The following ZBTB20 variants were observed in gnomAD, a reference collection of about 807,000 sequenced individuals.
ZBTB20 encodes zinc finger and BTB domain-containing protein 20.
Under a neutral mutation model 56.9 loss-of-function variants are expected in ZBTB20, and 9 were observed. That is an observed-to-expected ratio of 0.16 (90% CI 0.10 to 0.28). The LOEUF is 0.28. Ranked by LOEUF, ZBTB20 falls within the 10% of genes least tolerant of loss-of-function variation. The pLI is 1.00. For synonymous variants in ZBTB20, 417 were observed against 420.7 expected, an observed-to-expected ratio of 0.99 and a Z score of 0.11; for missense variants, 655 against 1,003.0, an observed-to-expected ratio of 0.65 and a Z score of 4.69.
Position 114,793,869 on chromosome 3 carries a change from A to C in ZBTB20, c.-343+7232T>G, listed in dbSNP as rs141874605. Among the ~76,000 whole-genome samples, 245 of 152,202 alleles carry C rather than the reference A, an allele frequency of 1.6e-3. 1 individual carries two copies. The highest frequency in any genetic ancestry group is 1.9e-3 in the Non-Finnish European group (132 of 67,984). ...AGATTATGACATCAATCTACAGTCA[A>C]TGCTGTGAGAATTAAATGTGAAGAG... On this transcript the variant is annotated intron_variant, in intron 5 of 11. Coordinates refer to ENST00000675478, the MANE Select transcript of ZBTB20 (RefSeq NM_001348800.3).
intron 6 of ZBTB20, among the ~76,000 whole-genome samples, chr3:114,504,713 C>T (rs988073241): frequency 6.6e-6 from 1 of 152,096 alleles, no homozygotes; most frequent in African/African-American, 2.4e-5. Context: ...TGGCAGGCAC[C>T]CTTAGTATTG....
intron 11 of ZBTB20, among the ~76,000 whole-genome samples, chr3:114,347,841 C>T (rs979850965): frequency 6.6e-6 from 1 of 152,204 alleles, no homozygotes; most frequent in Non-Finnish European, 1.5e-5. Flanking sequence ...CTATATTATA[C>T]ACACCATTAC....
At chr3:114,560,431 T>C (rs1053220895) in intron 6 of ZBTB20, among the ~76,000 whole-genome samples, 1 of 152,202 alleles carries the variant, frequency 6.6e-6, no homozygotes, top group Non-Finnish European at 1.5e-5. Context: ...CCAGCAACTA[T>C]GTCCATGAAT....
At chr3:114,621,210 A>G (rs933886716) in intron 6 of ZBTB20, among the ~76,000 whole-genome samples, 9 of 152,332 alleles carry the variant, frequency 5.9e-5, no homozygotes, top group African/African-American at 1.7e-4. Context: ...GCTGAAGGAT[A>G]ATTACCAAAC....
At chr3:114,699,500 A>G (rs2063259320) in intron 5 of ZBTB20, among the ~76,000 whole-genome samples, 2 of 152,064 alleles carry the variant, frequency 1.3e-5, no homozygotes, top group African/African-American at 4.8e-5. Flanking sequence ...TCTTTCAGTT[A>G]ATTGGAGAAT....
In ZBTB20 at chr3:115,065,622, C is replaced by T. The variant is rs562212338; in HGVS notation, c.-507+5597G>A. On this transcript the variant is annotated intron_variant, in intron 2 of 11. Coordinates refer to ENST00000675478, the MANE Select transcript of ZBTB20 (RefSeq NM_001348800.3). ...TAACTGGAAGTCTGCTGTTAAATTT[C>T]CTGAAGATGTTAATCCTAGAGCTAT... 3.3e-5 allele frequency among the ~76,000 whole-genome samples: 5 copies of T among 152,206 alleles called. No homozygotes were observed. In the East Asian group the frequency reaches 7.7e-4, roughly 23 times the overall value.
chr3:114,608,156 A>C (rs1042445967), intron 6 of ZBTB20, among the ~76,000 whole-genome samples: 1 of 152,186 alleles, frequency 6.6e-6, no homozygotes, highest in African/African-American at 2.4e-5. Flanking sequence ...TAAAAAAACA[A>C]AAACACCAGT....
chr3:114,963,745 GT>G (rs1305955568), intron 3 of ZBTB20, among the ~76,000 whole-genome samples: 1 of 151,838 alleles, frequency 6.6e-6, no homozygotes, highest in Non-Finnish European at 1.5e-5. Context: ...TTGACAAGTA[GT>G]TTTTTTGCCT....
chr3:114,859,279 C>T (rs142455799), intron 4 of ZBTB20, among the ~76,000 whole-genome samples: 106,022 of 142,662 alleles, frequency 0.74, 43,553 homozygotes, highest in East Asian at 0.98. Flanking sequence ...ATTCTTCCTT[C>T]CTTCCTTTCT....
At chr3:114,951,311 A>C (rs1195150095) in intron 3 of ZBTB20, among the ~76,000 whole-genome samples, 4 of 151,980 alleles carry the variant, frequency 2.6e-5, no homozygotes, top group African/African-American at 9.6e-5. Context: ...TGTGCATATG[A>C]GGTAAATAAA....
intron 5 of ZBTB20, among the ~76,000 whole-genome samples, chr3:114,744,313 C>T (rs554585619): frequency 4.6e-5 from 7 of 152,136 alleles, no homozygotes; most frequent in South Asian, 2.1e-4. Flanking sequence ...CTCACACTTT[C>T]GATTATTGCA....
chr3:114,661,072 A>G (rs563221567), intron 6 of ZBTB20, among the ~76,000 whole-genome samples: 21 of 152,270 alleles, frequency 1.4e-4, no homozygotes, highest in African/African-American at 4.8e-4. Flanking sequence ...GGTGTGCTGC[A>G]GAATACTTGG....
chr3:114,363,608 C>T (rs904814902), intron 10 of ZBTB20, among the ~76,000 whole-genome samples: 1 of 152,086 alleles, frequency 6.6e-6, no homozygotes, highest in African/African-American at 2.4e-5. Flanking sequence ...GTATGCTTCA[C>T]AGGGATGTTG....
chr3:114,769,173 A>T (rs1406797995), intron 5 of ZBTB20, among the ~76,000 whole-genome samples: 2 of 152,142 alleles, frequency 1.3e-5, no homozygotes, highest in Non-Finnish European at 2.9e-5. Context: ...ACGTTTAATC[A>T]TTTTGTTAGA....
chr3:114,508,921 T>G lies in ZBTB20; in HGVS notation c.-294-8530A>C, dbSNP rs149479508. Among the ~76,000 whole-genome samples, 187 of 152,212 alleles carry G rather than the reference T, an allele frequency of 1.2e-3. 2 individuals are homozygous for G. In the East Asian group the frequency reaches 0.022, roughly 18 times the overall value. ...GGTCTAAGACCTTTCAAAAGAAACG[T>G]TTTGTTTAGTATCACTACAGAAAAT... On this transcript the variant is annotated intron_variant, in intron 6 of 11. Coordinates refer to ENST00000675478, the MANE Select transcript of ZBTB20 (RefSeq NM_001348800.3).
rs140038967 is a variant in ZBTB20, at chr3:114,755,746, G to T, written c.-343+45355C>A. Among the ~76,000 whole-genome samples the T allele has an allele frequency of 6.5e-3, 986 of 152,174 alleles. 24 individuals carry two copies. Among genetic ancestry groups the T allele is most frequent in the Admixed American group, 0.059 (899 of 15,264 alleles). On this transcript the variant is annotated intron_variant, in intron 5 of 11. Transcript: ENST00000675478. ...CTTCCACATCCATGTCCCAGGGAAG[G>T]TACTGCTTCTGCTTCCGACCTGACC...
At chr3:115,057,309 A>G (rs1010288094) in intron 2 of ZBTB20, among the ~76,000 whole-genome samples, 5 of 151,546 alleles carry the variant, frequency 3.3e-5, no homozygotes, top group East Asian at 3.9e-4. Context: ...TGAGTATTCA[A>G]TGTTCCATTT....
chr3:114,458,390 T>C (rs1484276008), intron 7 of ZBTB20, among the ~76,000 whole-genome samples: 1 of 152,190 alleles, frequency 6.6e-6, no homozygotes. Context: ...AGTAGCTATG[T>C]AATAAATGAA....
intron 3 of ZBTB20, among the ~76,000 whole-genome samples, chr3:114,948,665 T>C (rs1163023633): frequency 6.9e-6 from 1 of 145,908 alleles, no homozygotes; most frequent in East Asian, 1.9e-4. Flanking sequence ...AGATATGAAT[T>C]GTTTTCTTAT....
Sources: gnomAD v4.1 joint callset for allele counts (sites outside exome capture counted in the v4.1 genomes callset) on GRCh38, gnomAD v4.1.1 for gene constraint, MANE v1.5 for transcripts, NCBI Gene and HGNC (gene_info 2026-07-23, HGNC 2026-07-21) for gene names.